The following PXDNL variants were observed in gnomAD, a reference collection of about 807,000 sequenced individuals.
PXDNL encodes peroxidasin like.
In PXDNL, 145 loss-of-function variants were observed where a neutral mutation model predicts 150.8. The observed-to-expected ratio is 0.96, with a 90% confidence interval of 0.84 to 1.10. PXDNL has a LOEUF of 1.10. Among genes scored for constraint, PXDNL ranks in the 50% least tolerant of loss-of-function variants. The probability of loss-of-function intolerance (pLI) is 0.00; values close to 1 mark genes in which losing one functional copy is unlikely to be tolerated. For synonymous variants in PXDNL, 757 were observed against 725.7 expected, an observed-to-expected ratio of 1.04 and a Z score of -0.69; for missense variants, 2,087 against 1,873.9, an observed-to-expected ratio of 1.11 and a Z score of -2.10.
chr8:51,420,879 AG>A (rs1808932257), intron 14 of PXDNL, among the ~76,000 whole-genome samples: 1 of 152,242 alleles, frequency 6.6e-6, no homozygotes, highest in South Asian at 2.1e-4. Flanking sequence ...TAGTAGAGAC[AG>A]GGTTTCACTA....
chr8:51,648,391 A>G (rs185320865), intron 2 of PXDNL, among the ~76,000 whole-genome samples: 1 of 152,340 alleles, frequency 6.6e-6, no homozygotes, highest in African/African-American at 2.4e-5. Context: ...ACTGAATAGA[A>G]AGCAATTCTT....
intron 2 of PXDNL, among the ~76,000 whole-genome samples, chr8:51,611,950 AG>A (rs954902511): frequency 6.6e-6 from 1 of 152,228 alleles, no homozygotes; most frequent in African/African-American, 2.4e-5. Flanking sequence ...GCTATGGGGT[AG>A]GGAGGAAGCC....
At chr8:51,681,272 G>A (rs1359324578) in intron 1 of PXDNL, among the ~76,000 whole-genome samples, 1 of 151,780 alleles carries the variant, frequency 6.6e-6, no homozygotes, top group African/African-American at 2.4e-5. Context: ...GTCACCCTAC[G>A]GAAGTCCCCA....
chr8:51,639,496 C>G (rs926034155), intron 2 of PXDNL, among the ~76,000 whole-genome samples: 1 of 151,892 alleles, frequency 6.6e-6, no homozygotes, highest in Non-Finnish European at 1.5e-5. Context: ...ATCAAATAGA[C>G]GCATTAAAAA....
intron 1 of PXDNL, among the ~76,000 whole-genome samples, chr8:51,663,923 C>A (rs944138918): frequency 2.0e-5 from 3 of 151,978 alleles, no homozygotes. Context: ...TGGTGGCACA[C>A]GCCCATGATC....
intron 2 of PXDNL, among the ~76,000 whole-genome samples, chr8:51,616,402 G>T (rs1729981196): frequency 6.6e-6 from 1 of 152,146 alleles, no homozygotes; most frequent in African/African-American, 2.4e-5. Context: ...CTTCGAAAGA[G>T]ATTTTCTTTG....
chr8:51,662,504 C>T (rs895110809), intron 1 of PXDNL, among the ~76,000 whole-genome samples: 5 of 151,894 alleles, frequency 3.3e-5, no homozygotes, highest in Non-Finnish European at 7.4e-5. Flanking sequence ...GAGTGAGACT[C>T]CATCTCAAAA....
At chr8:51,447,344 C>T (rs1280868978) in intron 11 of PXDNL, among the ~76,000 whole-genome samples, 182 bp from the exon 12 acceptor site, 1 of 152,038 alleles carries the variant, frequency 6.6e-6, no homozygotes, top group Non-Finnish European at 1.5e-5. Flanking sequence ...GCCGCTTGTC[C>T]CCGAAACTCT....
chr8:51,511,244 G>A (rs778305973), intron 4 of PXDNL, among the ~76,000 whole-genome samples: 1 of 152,188 alleles, frequency 6.6e-6, no homozygotes, highest in Non-Finnish European at 1.5e-5. Flanking sequence ...CAGATCATCT[G>A]TAAAAATCAC....
rs761812166 is a variant in PXDNL, at chr8:51,339,652, T to C, written c.4118A>G (p.Gln1373Arg). The C allele has an allele frequency of 1.9e-6, 3 of 1,613,802 alleles. No individual in the cohort carries two copies. Among genetic ancestry groups the C allele is most frequent in the South Asian group, 2.2e-5 (2 of 91,016 alleles). ...QDFSTFAAEI[Q>R]ETITALREQI... ...CTCTCTGAGTGCTGTGATGGTTTCC[T>C]GAATTTCCGCTGCAAACGTGCTGAA... The change falls in exon 21 of 23, where the codon CAG (glutamine) becomes CGG (arginine). Residue 1373 changes from glutamine to arginine, a missense_variant. Gln to Arg is a conservative substitution (Grantham distance 43). Coordinates refer to ENST00000356297, the MANE Select transcript of PXDNL (RefSeq NM_144651.5).
chr8:51,452,052 T>C (rs903851166), intron 10 of PXDNL, among the ~76,000 whole-genome samples: 14 of 152,108 alleles, frequency 9.2e-5, no homozygotes, highest in African/African-American at 3.4e-4. Context: ...TGTTAAGCAA[T>C]GACTGACGCA....
intron 1 of PXDNL, among the ~76,000 whole-genome samples, chr8:51,712,008 C>A (rs1047432394): frequency 1.3e-4 from 20 of 152,152 alleles, no homozygotes; most frequent in African/African-American, 3.6e-4. Flanking sequence ...AATTCAGTCT[C>A]AAATCCATCT....
chr8:51,438,236 C>A (rs117130718), intron 12 of PXDNL, among the ~76,000 whole-genome samples: 3 of 152,106 alleles, frequency 2.0e-5, no homozygotes, highest in Non-Finnish European at 4.4e-5. Flanking sequence ...AATGACCATA[C>A]TGACAAAAGC....
At chr8:51,641,148 C>T (rs1020712503) in intron 2 of PXDNL, among the ~76,000 whole-genome samples, 1 of 150,678 alleles carries the variant, frequency 6.6e-6, no homozygotes, top group Admixed American at 6.6e-5. Flanking sequence ...AACTGGCTAG[C>T]CATATGTAGA....
intron 2 of PXDNL, among the ~76,000 whole-genome samples, chr8:51,613,484 C>A (rs60955837): frequency 5.8e-5 from 2 of 34,330 alleles, no homozygotes; most frequent in Non-Finnish European, 1.2e-4. Context: ...CTTAAGGGGG[C>A]GGGGGGGGGG....
At chr8:51,582,709 A>T (rs1813234923) in intron 3 of PXDNL, among the ~76,000 whole-genome samples, 1 of 152,148 alleles carries the variant, frequency 6.6e-6, no homozygotes. Context: ...AATTATGATA[A>T]AATTATATGC....
At chr8:51,673,632 C>T (rs1184848501) in intron 1 of PXDNL, among the ~76,000 whole-genome samples, 1 of 152,196 alleles carries the variant, frequency 6.6e-6, no homozygotes, top group Non-Finnish European at 1.5e-5. Flanking sequence ...GATGACCCAA[C>T]TGGTATAGCA....
chr8:51,493,030 C>T (rs972116381), intron 5 of PXDNL, among the ~76,000 whole-genome samples: 23 of 152,176 alleles, frequency 1.5e-4, no homozygotes, highest in African/African-American at 5.1e-4. Flanking sequence ...GGAGGCACCC[C>T]CCAGTAGGGG....
At chr8:51,647,043 C>T (rs1264413535) in intron 2 of PXDNL, among the ~76,000 whole-genome samples, 2 of 152,104 alleles carry the variant, frequency 1.3e-5, no homozygotes, top group East Asian at 3.9e-4. Flanking sequence ...AATGTATGCT[C>T]TTGGGTGTTT....
Sources: allele counts gnomAD v4.1 joint callset (sites outside exome capture counted in the v4.1 genomes callset), GRCh38; gene constraint gnomAD v4.1.1; transcripts MANE v1.5; gene names NCBI Gene and HGNC (gene_info 2026-07-23, HGNC 2026-07-21).